Variants in TTC13 observed in about 807,000 individuals in gnomAD.
The protein encoded by TTC13 is tetratricopeptide repeat domain 13.
TTC13 carries 62 observed loss-of-function variants against 120.0 expected under a neutral mutation model. The ratio of observed to expected loss-of-function variants is 0.52; its 90% CI spans 0.42 to 0.64. TTC13 has a LOEUF of 0.64. Ranked by LOEUF, TTC13 falls within the 30% of genes least tolerant of loss-of-function variation. TTC13 has a pLI of 0.00. For synonymous variants in TTC13, 384 were observed against 393.5 expected (o/e 0.98, Z 0.28); for missense variants, 824 against 1,050.2 (o/e 0.78, Z 2.98).
chr1:230,961,797 G>A (rs1381184149), intron 1 of TTC13, among the ~76,000 whole-genome samples: 5 of 152,178 alleles, frequency 3.3e-5, no homozygotes, highest in Non-Finnish European at 7.3e-5. Context: ...CAGGACACAT[G>A]TGGAACTAAT....
At chr1:230,975,161 G>A (rs1420272549) in intron 1 of TTC13, among the ~76,000 whole-genome samples, 1 of 151,684 alleles carries the variant, frequency 6.6e-6, no homozygotes, top group Non-Finnish European at 1.5e-5. Flanking sequence ...TACTGCTTGA[G>A]TCCAGGAGTT....
At chr1:230,912,585 T>C (rs1238278365) in intron 19 of TTC13, 38 bp downstream of exon 19, 15 of 1,601,308 alleles carry the variant, frequency 9.4e-6, no homozygotes, top group East Asian at 6.7e-5. Context: ...AAAAGAATCA[T>C]AGGAAGAGCA....
chr1:230,910,587 T>G (rs1172343508), intron 20 of TTC13, among the ~76,000 whole-genome samples: 1 of 152,186 alleles, frequency 6.6e-6, no homozygotes, highest in East Asian at 1.9e-4. Context: ...GAGCTGCACG[T>G]CCTTCAATGT....
At chr1:230,969,253 C>T (rs1031602213) in intron 1 of TTC13, among the ~76,000 whole-genome samples, 9 of 136,698 alleles carry the variant, frequency 6.6e-5, no homozygotes, top group Non-Finnish European at 9.4e-5. Context: ...CAAAGCGACA[C>T]TCCATCTCAA....
chr1:230,977,117 CA>C (rs1678394277), intron 1 of TTC13, among the ~76,000 whole-genome samples: 1 of 152,164 alleles, frequency 6.6e-6, no homozygotes, highest in African/African-American at 2.4e-5. Flanking sequence ...ATGACAATTT[CA>C]CTATGTTTCA....
chr1:230,950,134 T>C (rs576701543), intron 4 of TTC13, among the ~76,000 whole-genome samples: 117 of 152,274 alleles, frequency 7.7e-4, no homozygotes, highest in African/African-American at 2.6e-3. Flanking sequence ...CCAAAAACTT[T>C]TCTTTATGGA....
At chr1:230,952,856 C>T (rs1165434519) in intron 4 of TTC13, among the ~76,000 whole-genome samples, 1 of 152,014 alleles carries the variant, frequency 6.6e-6, no homozygotes, top group East Asian at 1.9e-4. Context: ...GTTAAAGTGG[C>T]AGAATTCGGA....
At position 230,958,303 on chromosome 1, in the gene TTC13, GGA is replaced by G; in HGVS notation, c.367-6_367-5del. On this transcript the variant is annotated splice_polypyrimidine_tract_variant and splice_region_variant and intron_variant, in intron 2 of 22. Coordinates refer to ENST00000366661, the MANE Select transcript of TTC13 (RefSeq NM_024525.5). Reference sequence around the variant, plus strand: ...CTGCAATAGACTTGGCCTGGCTCTGGGAAAAAAAAAAAAAAAACCCATACATT... The same window carrying G: ...CTGCAATAGACTTGGCCTGGCTCTGGAAAAAAAAAAAAAAACCCATACATT... The G allele has an allele frequency of 1.3e-6, 2 of 1,542,372 alleles. No homozygotes were observed. The highest frequency in any genetic ancestry group is 1.7e-6 in the Non-Finnish European group (2 of 1,154,268).
chr1:230,950,673 G>C (rs1336664361), intron 4 of TTC13, among the ~76,000 whole-genome samples: 1 of 152,140 alleles, frequency 6.6e-6, no homozygotes, highest in Non-Finnish European at 1.5e-5. Context: ...TCTATGCAGA[G>C]GAATGTTTCC....
intron 17 of TTC13, among the ~76,000 whole-genome samples, chr1:230,918,161 C>T (rs762483873): frequency 4.6e-5 from 7 of 152,192 alleles, no homozygotes; most frequent in Non-Finnish European, 8.8e-5. Context: ...TGCACTTAAA[C>T]GCTAACTATT....
intron 14 of TTC13, 135 bp from the exon 15 acceptor site, chr1:230,924,068 A>C: frequency 1.7e-6 from 1 of 581,842 alleles, no homozygotes; most frequent in Non-Finnish European, 2.9e-6. Context: ...CCATACCTAC[A>C]AATTCCAAAC....
intron 1 of TTC13, among the ~76,000 whole-genome samples, chr1:230,969,006 G>A (rs954180550): frequency 6.6e-6 from 1 of 152,224 alleles, no homozygotes; most frequent in African/African-American, 2.4e-5. Context: ...TGGGTGCGGT[G>A]GCTCACGCCT....
At chr1:230,917,812 G>A (rs1030051722) in intron 17 of TTC13, among the ~76,000 whole-genome samples, 7 of 152,248 alleles carry the variant, frequency 4.6e-5, no homozygotes, top group East Asian at 1.9e-4. Flanking sequence ...CTAAACTGAC[G>A]TTGTATTCTG....
intron 11 of TTC13, 147 bp downstream of exon 11, chr1:230,931,151 A>G: frequency 1.5e-6 from 1 of 679,162 alleles, no homozygotes. Flanking sequence ...TAGTCTCGAC[A>G]CTAGCACTGA....
rs536354512 is a variant in TTC13, at chr1:230,945,773, C to A, written c.514-319G>T. ...CTCTCAACAACTCTGGCAGCATCAG[C>A]AATCATGTCTTACAGAGAAGAAGGA... On this transcript the variant is annotated intron_variant, in intron 4 of 22. Transcript: ENST00000366661. Among the ~76,000 whole-genome samples the A allele has an allele frequency of 1.6e-3, 243 of 152,274 alleles. 1 individual carries two copies. The highest frequency in any genetic ancestry group is 5.4e-3 in the African/African-American group (223 of 41,564).
intron 15 of TTC13, among the ~76,000 whole-genome samples, chr1:230,922,538 C>T (rs1175317770): frequency 6.6e-6 from 1 of 152,180 alleles, no homozygotes; most frequent in African/African-American, 2.4e-5. Context: ...GATTTATGTT[C>T]TGACTTCTGC....
chr1:230,947,881 C>T (rs929097387), intron 4 of TTC13, among the ~76,000 whole-genome samples: 5 of 152,164 alleles, frequency 3.3e-5, no homozygotes, highest in African/African-American at 1.2e-4. Context: ...GCTCTGGCAT[C>T]CTCCTGCTCT....
In TTC13 at chr1:230,912,649, C is replaced by G; in HGVS notation, c.2203G>C (p.Val735Leu). Residue 735 changes from valine to leucine, a missense_variant, in exon 19 of 23, where the codon GTA (valine) becomes CTA (leucine). Around this residue, in one of 4 missense-constraint regions of TTC13, gnomAD observed 226 missense variants for 259.1 expected, o/e 0.87. Coordinates refer to ENST00000366661, the MANE Select transcript of TTC13 (RefSeq NM_024525.5). The stretch of plus-strand genomic sequence containing the variant: ...CCAAATTCTGATGAAAGAATCAATA[C>G]TTTTCCTTTTGCTGTCAAATCTTTA... ...LYKDLTAKGK[V>L]LILSSEFGEA... 6.2e-7 allele frequency: 1 copy of G among 1,612,266 alleles called. No homozygotes were observed. The highest frequency in any genetic ancestry group is 1.1e-5 in the South Asian group (1 of 90,726).
Position 230,939,507 on chromosome 1 carries a change from G to A in TTC13, c.790-11C>T, listed in dbSNP as rs780833116. The A allele has an allele frequency of 3.9e-6, 6 of 1,547,110 alleles. No homozygotes were observed. The African/African-American group carries it at 4.1e-5, about 11-fold the overall frequency. ...GGCTGTTGCATAGTCCTACAAAAAG[G>A]AGAGTGGGGGGAAAAATAAAATAGT... On this transcript the variant is annotated splice_polypyrimidine_tract_variant and intron_variant, in intron 7 of 22. Transcript: ENST00000366661.
Sources: gnomAD v4.1 joint callset for allele counts (sites outside exome capture counted in the v4.1 genomes callset) on GRCh38, gnomAD v4.1.1 for gene constraint, gnomAD v4.1.1 regional missense constraint, MANE v1.5 for transcripts, NCBI Gene and HGNC (gene_info 2026-07-23, HGNC 2026-07-21) for gene names.